The following ZNF559 variants were observed in gnomAD, a reference collection of about 807,000 sequenced individuals.
The protein encoded by ZNF559 is putative protein product of Nbla00121.
A neutral mutation model predicts 14.2 loss-of-function variants in ZNF559; 17 were observed. The ratio of observed to expected loss-of-function variants is 1.20; its 90% CI spans 0.82 to 1.80. ZNF559 has a LOEUF of 1.80. Ranked by LOEUF, ZNF559 falls within the 40% of genes most tolerant of loss-of-function variation. The pLI is 0.00. For missense variants in ZNF559, 740 were observed against 629.7 expected (o/e 1.18, Z -1.88); for synonymous variants, 244 against 212.4 (o/e 1.15, Z -1.29).
chr19:9,326,038 T>C (rs910195442), intron 2 of ZNF559, among the ~76,000 whole-genome samples: 2 of 151,878 alleles, frequency 1.3e-5, no homozygotes, highest in African/African-American at 4.8e-5. Context: ...GTCACCATTA[T>C]AGTTGCCAGG....
chr19:9,336,466 C>T (rs1455327565), intron 2 of ZNF559, among the ~76,000 whole-genome samples: 1 of 151,906 alleles, frequency 6.6e-6, no homozygotes. Flanking sequence ...TGGTGCATGC[C>T]TGTAATCCCA....
chr19:9,341,015 A>G, intron 5 of ZNF559, 87 bp from the exon 6 acceptor site: 1 of 976,204 alleles, frequency 1.0e-6, no homozygotes, highest in South Asian at 1.5e-5. Flanking sequence ...GTTTGAAACT[A>G]CAGTACATAC....
chr19:9,323,905 C>G, upstream of ZNF559: 1 of 543,760 alleles, frequency 1.8e-6, no homozygotes, highest in Non-Finnish European at 3.3e-6. Flanking sequence ...CTTTCGTTTT[C>G]AACAAATCCC....
intron 2 of ZNF559, among the ~76,000 whole-genome samples, chr19:9,331,208 C>T (rs1351216889): frequency 6.6e-6 from 1 of 152,146 alleles, no homozygotes; most frequent in Non-Finnish European, 1.5e-5. Context: ...GTCAGGAGGT[C>T]AAGTAGCCAA....
chr19:9,327,168 C>T (rs1275240192), intron 2 of ZNF559, among the ~76,000 whole-genome samples: 1 of 151,976 alleles, frequency 6.6e-6, no homozygotes, highest in Non-Finnish European at 1.5e-5. Context: ...ATAAGTGATA[C>T]TTTGGCTACA....
In ZNF559 at chr19:9,345,395, T is replaced by C. The variant is rs978246534; in HGVS notation, c.*2327T>C. The C allele has an allele frequency of 2.0e-5, 3 of 152,346 alleles. No individual in the cohort carries two copies. The highest frequency in any genetic ancestry group is 4.8e-5 in the African/African-American group (2 of 41,588). 9.4% of individuals were successfully genotyped at this position (152,346 alleles called of 1,614,324 possible). A position where few individuals can be genotyped will look rare whatever the true frequency, so the allele number is the denominator to read the frequency against. On this transcript the variant is annotated 3_prime_UTR_variant, in exon 7 of 7. Transcript: ENST00000603380. ...CTGCTAAACCTTTCTCAAGTAGTTATGCCATTTGACATTTCCATGAGCAGT... is the reference window on the plus strand; with the variant it reads ...CTGCTAAACCTTTCTCAAGTAGTTACGCCATTTGACATTTCCATGAGCAGT...
chr19:9,331,925 A>G (rs1219968984), intron 2 of ZNF559, among the ~76,000 whole-genome samples: 1 of 152,220 alleles, frequency 6.6e-6, no homozygotes, highest in Non-Finnish European at 1.5e-5. Context: ...AGATTTATTA[A>G]CTGAGTTATT....
chr19:9,329,073 T>C lies in ZNF559; in HGVS notation c.-120+4293T>C, dbSNP rs1298831777. ...GTGGTGACTGTGCAGCTGTGTTTTT[T>C]TGTTTTTTGGGCTGGGGGTTTGAAG... On this transcript the variant is annotated intron_variant, in intron 2 of 6. Transcript: ENST00000603380. Among the ~76,000 whole-genome samples, 5 of 104,390 alleles carry C rather than the reference T, an allele frequency of 4.8e-5. No individual in the cohort carries two copies. The East Asian group carries it at 1.1e-3, about 24-fold the overall frequency. The allele number at this position is 104,390 out of a possible 152,430, so 68.5% of individuals were successfully genotyped here.
chr19:9,332,355 GTA>G (rs1555728482), intron 2 of ZNF559, among the ~76,000 whole-genome samples: 5 of 149,906 alleles, frequency 3.3e-5, no homozygotes, highest in Admixed American at 6.7e-5. Context: ...ATGTGTGTGT[GTA>G]TATATATATA....
At chr19:9,339,144 A>T in intron 4 of ZNF559, 49 bp from the exon 5 acceptor site, 1 of 1,610,430 alleles carries the variant, frequency 6.2e-7, no homozygotes, top group Non-Finnish European at 8.5e-7. Flanking sequence ...TCCAGTCAAC[A>T]TAGTGGAGAA....
At chr19:9,326,422 T>G (rs1214090794) in intron 2 of ZNF559, among the ~76,000 whole-genome samples, 1 of 152,166 alleles carries the variant, frequency 6.6e-6, no homozygotes, top group Non-Finnish European at 1.5e-5. Flanking sequence ...AAAATAAAAT[T>G]TTGGCCTTTG....
Position 9,342,632 on chromosome 19 carries a change from C to G in ZNF559, c.1181C>G (p.Ser394Cys). ...KECGKAFINS[S>C]SFKSHMQTHP... ...TGTGGAAAAGCCTTTATTAATTCCT[C>G]TTCCTTTAAAAGTCACATGCAGACT... The change falls in exon 7 of 7, where the codon TCT (serine) becomes TGT (cysteine). Residue 394 changes from serine to cysteine, a missense_variant. Physicochemically the swap from Ser to Cys is moderately radical, Grantham distance 112 (BLOSUM62 -1). Transcript: ENST00000603380. The G allele has an allele frequency of 6.2e-7, 1 of 1,614,098 alleles. No homozygotes were observed. The highest frequency in any genetic ancestry group is 8.5e-7 in the Non-Finnish European group (1 of 1,179,986).
chr19:9,329,581 G>C (rs1247387047), intron 2 of ZNF559, among the ~76,000 whole-genome samples: 1 of 152,120 alleles, frequency 6.6e-6, no homozygotes. Flanking sequence ...TCATTTGCAT[G>C]GAATATCTTT....
At chr19:9,326,027 A>G (rs1397994893) in intron 2 of ZNF559, among the ~76,000 whole-genome samples, 1 of 151,240 alleles carries the variant, frequency 6.6e-6, no homozygotes, top group Non-Finnish European at 1.5e-5. Flanking sequence ...AAGTCACCAT[A>G]GTCACCATTA....
intron 2 of ZNF559, among the ~76,000 whole-genome samples, chr19:9,328,641 C>G (rs528595534): frequency 6.6e-6 from 1 of 152,140 alleles, no homozygotes; most frequent in Non-Finnish European, 1.5e-5. Context: ...TCCTAAAGTG[C>G]TGGGATTACA....
chr19:9,342,613 A>G lies in ZNF559; in HGVS notation c.1162A>G (p.Lys388Glu). Reference sequence around the variant, plus strand: ...GCCTTATCAATGTAAGGAATGTGGAAAAGCCTTTATTAATTCCTCTTCCTT... The same window carrying G: ...GCCTTATCAATGTAAGGAATGTGGAGAAGCCTTTATTAATTCCTCTTCCTT... ...EKPYQCKECG[K>E]AFINSSSFKS... Residue 388 changes from lysine to glutamate, a missense_variant, in exon 7 of 7, where the codon AAA becomes GAA. Coordinates refer to ENST00000603380, the MANE Select transcript of ZNF559 (RefSeq NM_032497.3). 1 of 1,614,166 alleles carries G rather than the reference A, an allele frequency of 6.2e-7. No individual in the cohort carries two copies. Among genetic ancestry groups the G allele is most frequent in the Non-Finnish European group, 8.5e-7 (1 of 1,180,024 alleles).
intron 6 of ZNF559, 105 bp from the exon 7 acceptor site, chr19:9,341,590 T>C: frequency 2.5e-6 from 4 of 1,576,436 alleles, no homozygotes; most frequent in Non-Finnish European, 3.4e-6. Flanking sequence ...GTTTCAATTA[T>C]ACTAACTTAT....
intron 2 of ZNF559, among the ~76,000 whole-genome samples, chr19:9,331,445 G>C (rs1475821676): frequency 6.6e-6 from 1 of 151,990 alleles, no homozygotes; most frequent in Non-Finnish European, 1.5e-5. Flanking sequence ...AATTGTCAAG[G>C]GTTAGAAAAA....
Position 9,345,652 on chromosome 19 carries a change from TTTTTA to T in ZNF559, c.*2589_*2593del, listed in dbSNP as rs1186062322. 2 of 101,688 alleles carry T rather than the reference TTTTTA, an allele frequency of 2.0e-5. No homozygotes were observed. The highest frequency in any genetic ancestry group is 4.5e-5 in the Non-Finnish European group (2 of 44,402). 6.3% of individuals were successfully genotyped at this position (101,688 alleles called of 1,614,324 possible). A position where few individuals can be genotyped will look rare whatever the true frequency, so the allele number is the denominator to read the frequency against. ...TTATATTGGCTTTATTTTTTATTTA[TTTTTA>T]TTTTTTTTTATATAGAGACAGGGTT... On this transcript the variant is annotated 3_prime_UTR_variant, in exon 7 of 7. Coordinates refer to ENST00000603380, the MANE Select transcript of ZNF559 (RefSeq NM_032497.3).
Sources: gnomAD v4.1 joint callset for allele counts (sites outside exome capture counted in the v4.1 genomes callset) on GRCh38, gnomAD v4.1.1 for gene constraint, MANE v1.5 for transcripts, NCBI Gene and HGNC (gene_info 2026-07-23, HGNC 2026-07-21) for gene names.